The following ABCC11 variants were observed in gnomAD, a reference collection of about 807,000 sequenced individuals.
ABCC11 encodes ATP-binding cassette sub-family C member 11.
Under a neutral mutation model 149.3 loss-of-function variants are expected in ABCC11, and 135 were observed. The observed-to-expected ratio is 0.90, with a 90% CI of 0.79 to 1.04. The LOEUF (loss-of-function observed/expected upper bound fraction) is 1.04, where lower values mean the gene tolerates loss of function less well. ABCC11 is among the 50% of genes least tolerant of loss of function. The pLI is 0.00. For missense variants in ABCC11, 1,680 were observed against 1,722.1 expected (o/e 0.98, Z 0.43); for synonymous variants, 665 against 671.4 (o/e 0.99, Z 0.15).
chr16:48,176,622 G>A (rs1438073973), intron 25 of ABCC11, among the ~76,000 whole-genome samples: 1 of 152,092 alleles, frequency 6.6e-6, no homozygotes, highest in African/African-American at 2.4e-5. Flanking sequence ...GGTATCCAAG[G>A]CCCAGTACCA....
At position 48,234,372 on chromosome 16, in the gene ABCC11, AT is replaced by A. The variant is rs372376936; in HGVS notation, c.-18-2434del. 7.4e-3 allele frequency among the ~76,000 whole-genome samples: 1,114 copies of A among 151,108 alleles called. 4 individuals are homozygous for A. The highest frequency in any genetic ancestry group is 0.012 in the East Asian group (60 of 5,146). On this transcript the variant is annotated intron_variant, in intron 1 of 29. Coordinates refer to ENST00000356608, the MANE Select transcript of ABCC11 (RefSeq NM_001370497.1). ...ATTTATTTAATTGTAAGTTTATATAATTTTTTTTTTATTAATGTTTGTGTTT... is the reference window on the plus strand; with the variant it reads ...ATTTATTTAATTGTAAGTTTATATAATTTTTTTTTATTAATGTTTGTGTTT...
At chr16:48,218,180 T>C (rs547039244) in intron 6 of ABCC11, among the ~76,000 whole-genome samples, 2 of 152,146 alleles carry the variant, frequency 1.3e-5, no homozygotes, top group Admixed American at 6.5e-5. Flanking sequence ...CCTGTAGTCC[T>C]AGCTACTCAG....
chr16:48,214,752 G>A, intron 9 of ABCC11, 129 bp downstream of exon 9: 1 of 1,308,036 alleles, frequency 7.6e-7, no homozygotes, highest in Admixed American at 2.3e-5. Flanking sequence ...CTTTTGTCTG[G>A]AAAATCAAAA....
intron 1 of ABCC11, among the ~76,000 whole-genome samples, chr16:48,242,728 G>C (rs540201542): frequency 2.0e-5 from 3 of 152,328 alleles, no homozygotes; most frequent in Non-Finnish European, 1.5e-5. Flanking sequence ...AAAAAAGGAT[G>C]AGTTCATGTC....
intron 15 of ABCC11, among the ~76,000 whole-genome samples, chr16:48,198,970 G>A (rs1354449717): frequency 4.0e-5 from 6 of 151,780 alleles, no homozygotes; most frequent in Non-Finnish European, 7.4e-5. Context: ...GGAAGTGGAG[G>A]CTGCAGTGAG....
chr16:48,231,313 T>C (rs1486254838), intron 2 of ABCC11, among the ~76,000 whole-genome samples: 1 of 152,084 alleles, frequency 6.6e-6, no homozygotes, highest in Non-Finnish European at 1.5e-5. Flanking sequence ...ACCATGAAGG[T>C]ATGCCATGAT....
At chr16:48,194,694 A>G (rs1428748464) in intron 18 of ABCC11, among the ~76,000 whole-genome samples, 2 of 152,162 alleles carry the variant, frequency 1.3e-5, no homozygotes, top group Admixed American at 1.3e-4. Flanking sequence ...CCCTTTCACC[A>G]TGTAAGGATA....
At position 48,208,439 on chromosome 16, in the gene ABCC11, C is replaced by T. The variant is rs1276004788; in HGVS notation, c.1666G>A (p.Ala556Thr). 1 of 1,614,182 alleles carries T rather than the reference C, an allele frequency of 6.2e-7. No homozygotes were observed. Residue 556 changes from alanine to threonine, a missense_variant, in exon 12 of 30, where the codon GCC becomes ACC. By Grantham distance (58) the Ala-to-Thr change is moderately conservative. Transcript: ENST00000356608. ...AGATCACTTACCTCCTCCAGGATGG[C>T]TGACAACAGGCTGCTCTTACCACTC... is the stretch of plus-strand genomic sequence containing the variant. ...TGSGKSSLLS[A>T]ILEEMHLLEG...
In ABCC11 at chr16:48,200,405, G is replaced by A. The variant is rs139564847; in HGVS notation, c.1953C>T (p.Asp651=). Residue 651 remains aspartate, a synonymous_variant, in exon 15 of 30, where the codon GAC becomes GAT. Transcript: ENST00000356608. The part of the protein sequence containing the change: ...RISLARAVYS[D]RQIYLLDDPL... ...GGTCGTCCAGCAGGTAGATCTGACG[G>A]TCGGAATAGACGGCGCGGGCCAGGC... 1.4e-4 allele frequency: 221 copies of A among 1,614,118 alleles called. No homozygotes were observed. The Middle Eastern group carries it at 3.1e-3, about 23-fold the overall frequency.
rs1969344491 is a variant in ABCC11, at chr16:48,216,342, G to C, written c.778-55C>G. 3.2e-6 allele frequency: 5 copies of C among 1,571,990 alleles called. No homozygotes were observed. In the Admixed American group the frequency reaches 8.5e-5, roughly 27 times the overall value. On this transcript the variant is annotated intron_variant, in intron 6 of 29. Coordinates refer to ENST00000356608, the MANE Select transcript of ABCC11 (RefSeq NM_001370497.1). ...TGTCACCTCCCTGGGTACACAGAAGGGGTGGCAGGTGGCCTCCCCATGCCC... is the reference window on the plus strand; with the variant it reads ...TGTCACCTCCCTGGGTACACAGAAGCGGTGGCAGGTGGCCTCCCCATGCCC...
chr16:48,179,732 A>AT (rs1966310595), intron 23 of ABCC11, among the ~76,000 whole-genome samples: 1 of 152,210 alleles, frequency 6.6e-6, no homozygotes, highest in Admixed American at 6.5e-5. Context: ...GGGGCCCTGG[A>AT]TGAGGGCACA....
intron 23 of ABCC11, among the ~76,000 whole-genome samples, chr16:48,180,945 A>G (rs752195260): frequency 1.4e-4 from 21 of 152,208 alleles, no homozygotes; most frequent in Admixed American, 6.5e-5. Flanking sequence ...GCCATTTTGA[A>G]GCAGTCAGTC....
At chr16:48,200,250 A>T (rs781565804) in intron 15 of ABCC11, 26 bp downstream of exon 15, 3 of 1,607,302 alleles carry the variant, frequency 1.9e-6, no homozygotes, top group Non-Finnish European at 2.6e-6. Context: ...CGTCAATCAC[A>T]GTCAGAGCCC....
chr16:48,220,916 G>A lies in ABCC11; in HGVS notation c.777+1682C>T, dbSNP rs1342050911. Among the ~76,000 whole-genome samples, 5 of 152,198 alleles carry A rather than the reference G, an allele frequency of 3.3e-5. No individual in the cohort carries two copies. In the East Asian group the frequency reaches 9.6e-4, roughly 29 times the overall value. ...CTTTGAAGGGGGCTCATATTAGTAG[G>A]GCAGCCAGATTTGTGCAAAAAGAAC... On this transcript the variant is annotated intron_variant, in intron 6 of 29. Transcript: ENST00000356608.
chr16:48,237,472 GTCTAA>G (rs1381482725), intron 1 of ABCC11, among the ~76,000 whole-genome samples: 1 of 152,196 alleles, frequency 6.6e-6, no homozygotes, highest in Admixed American at 6.5e-5. Flanking sequence ...ACTGCTCCTA[GTCTAA>G]GTCATCACTT....
chr16:48,177,788 G>A (rs1966183788), intron 24 of ABCC11, among the ~76,000 whole-genome samples: 1 of 152,208 alleles, frequency 6.6e-6, no homozygotes, highest in African/African-American at 2.4e-5. Context: ...CAGGAAATCA[G>A]AGCCCTACAA....
At chr16:48,202,075 A>G (rs1256831575) in intron 14 of ABCC11, among the ~76,000 whole-genome samples, 1 of 152,158 alleles carries the variant, frequency 6.6e-6, no homozygotes, top group African/African-American at 2.4e-5. Flanking sequence ...TCATTTACTT[A>G]TTCATCAAAC....
At chr16:48,176,515 C>A (rs1303431751) in intron 25 of ABCC11, among the ~76,000 whole-genome samples, 1 of 152,038 alleles carries the variant, frequency 6.6e-6, no homozygotes, top group African/African-American at 2.4e-5. Context: ...TAACTCCTAG[C>A]CTGCTCTTCA....
intron 23 of ABCC11, among the ~76,000 whole-genome samples, chr16:48,181,867 A>G (rs1005272841): frequency 1.3e-5 from 2 of 151,998 alleles, no homozygotes; most frequent in African/African-American, 4.8e-5. Context: ...CCCACCTTGG[A>G]CTCTCAAAGT....
Sources: gnomAD v4.1 joint callset for allele counts (sites outside exome capture counted in the v4.1 genomes callset) on GRCh38, gnomAD v4.1.1 for gene constraint, MANE v1.5 for transcripts, NCBI Gene and HGNC (gene_info 2026-07-23, HGNC 2026-07-21) for gene names.